ZBTB8A: variants seen among roughly 807,000 people sequenced by gnomAD.
The protein encoded by ZBTB8A is zinc finger and BTB domain-containing protein 8A.
ZBTB8A carries 19 observed loss-of-function variants against 37.8 expected under a neutral mutation model. The ratio of observed to expected loss-of-function variants is 0.50; its 90% CI spans 0.35 to 0.74. The LOEUF (loss-of-function observed/expected upper bound fraction) is 0.74, where lower values mean the gene tolerates loss of function less well. Among genes scored for constraint, ZBTB8A ranks in the 30% least tolerant of loss-of-function variants. The probability of loss-of-function intolerance (pLI) is 0.01; values close to 1 mark genes in which losing one functional copy is unlikely to be tolerated. For missense variants in ZBTB8A, 394 were observed against 537.8 expected (o/e 0.73, Z 2.65); for synonymous variants, 181 against 185.2 (o/e 0.98, Z 0.19).
At chr1:32,541,350 G>C (rs970191397) in intron 1 of ZBTB8A, among the ~76,000 whole-genome samples, 15 of 151,992 alleles carry the variant, frequency 9.9e-5, no homozygotes, top group Admixed American at 5.2e-4. Flanking sequence ...ATGCCTCCTT[G>C]CCTGCTCACC....
intron 2 of ZBTB8A, among the ~76,000 whole-genome samples, chr1:32,557,066 C>A (rs1243742250): frequency 6.6e-6 from 1 of 152,102 alleles, no homozygotes; most frequent in Non-Finnish European, 1.5e-5. Flanking sequence ...CTTTGGGAGT[C>A]CAAGGCAGGT....
At chr1:32,565,457 C>G (rs958189830) in intron 2 of ZBTB8A, among the ~76,000 whole-genome samples, 3 of 152,008 alleles carry the variant, frequency 2.0e-5, no homozygotes, top group African/African-American at 7.2e-5. Context: ...AGTTAAAGAT[C>G]AACCTGAGCA....
chr1:32,578,078 G>T (rs956433002), intron 2 of ZBTB8A, among the ~76,000 whole-genome samples: 5 of 148,190 alleles, frequency 3.4e-5, no homozygotes, highest in Admixed American at 1.3e-4. Flanking sequence ...TAATTTTTTT[G>T]TTTGTTTGTT....
At chr1:32,584,516 T>C (rs571010496) in intron 2 of ZBTB8A, among the ~76,000 whole-genome samples, 9,013 of 144,414 alleles carry the variant, frequency 0.062, 222 homozygotes, top group African/African-American at 0.079. Context: ...TTCTTTTTTT[T>C]TTTTTTTTTT....
intron 2 of ZBTB8A, among the ~76,000 whole-genome samples, chr1:32,567,327 T>A (rs1644287543): frequency 6.6e-6 from 1 of 150,752 alleles, no homozygotes; most frequent in African/African-American, 2.4e-5. Flanking sequence ...CCAGGTCCTC[T>A]CTCTAACACT....
intron 2 of ZBTB8A, among the ~76,000 whole-genome samples, chr1:32,587,779 C>G (rs1447340431): frequency 1.3e-5 from 2 of 151,910 alleles, no homozygotes; most frequent in Non-Finnish European, 2.9e-5. Flanking sequence ...CTGGCAGCCT[C>G]TAGGTAGCTT....
intron 2 of ZBTB8A, among the ~76,000 whole-genome samples, chr1:32,576,866 C>T (rs573920105): frequency 7.3e-6 from 1 of 136,308 alleles, no homozygotes; most frequent in Admixed American, 7.4e-5. Context: ...TGCACAGACT[C>T]TTTTTTTTTT....
rs1644576682 is a variant in ZBTB8A at position 32,601,597 on chromosome 1, T to G, written c.*1178T>G. 1 of 398,462 alleles carries G rather than the reference T, an allele frequency of 2.5e-6. No individual in the cohort carries two copies. Among genetic ancestry groups the G allele is most frequent in the South Asian group, 1.3e-4 (1 of 7,866 alleles). 24.7% of individuals were successfully genotyped at this position (398,462 alleles called of 1,614,324 possible). On this transcript the variant is annotated 3_prime_UTR_variant, in exon 5 of 5. Coordinates refer to ENST00000373510, the MANE Select transcript of ZBTB8A (RefSeq NM_001040441.3). ...TATTTTCTCAGTGAGGTGGATACTA[T>G]CTCCGATTTACAAATGAGGAAATTA...
chr1:32,552,143 C>T (rs540385144), intron 1 of ZBTB8A, among the ~76,000 whole-genome samples: 5 of 152,038 alleles, frequency 3.3e-5, no homozygotes, highest in African/African-American at 1.2e-4. Flanking sequence ...GTGGGGGGAT[C>T]GCTTGAGCCC....
chr1:32,590,509 G>T (rs1232564095), intron 2 of ZBTB8A, among the ~76,000 whole-genome samples: 1 of 152,192 alleles, frequency 6.6e-6, no homozygotes, highest in Non-Finnish European at 1.5e-5. Flanking sequence ...TAAGGACCTA[G>T]TCCCTTAGCC....
intron 2 of ZBTB8A, among the ~76,000 whole-genome samples, 156 bp from the exon 3 acceptor site, chr1:32,592,775 T>A (rs919683661): frequency 1.3e-5 from 2 of 151,974 alleles, no homozygotes; most frequent in Admixed American, 6.6e-5. Context: ...CCCAAAGTGC[T>A]GGGATTACAG....
intron 4 of ZBTB8A, among the ~76,000 whole-genome samples, chr1:32,599,090 G>A (rs959197861): frequency 6.6e-6 from 1 of 151,924 alleles, no homozygotes; most frequent in Non-Finnish European, 1.5e-5. Context: ...AAAATGGCAA[G>A]TTCTCCTTCT....
intron 2 of ZBTB8A, among the ~76,000 whole-genome samples, chr1:32,554,198 CAAA>C (rs1017025736): frequency 4.0e-5 from 2 of 50,180 alleles, no homozygotes; most frequent in African/African-American, 7.1e-5. Context: ...AGACTGTCTC[CAAA>C]AAAAAAAAAA....
At chr1:32,586,700 C>T (rs1337601463) in intron 2 of ZBTB8A, among the ~76,000 whole-genome samples, 1 of 151,968 alleles carries the variant, frequency 6.6e-6, no homozygotes, top group Non-Finnish European at 1.5e-5. Flanking sequence ...TGTTCAGAAA[C>T]AAGCAGAGGT....
chr1:32,540,308 T>C (rs1403394461), intron 1 of ZBTB8A, among the ~76,000 whole-genome samples: 1 of 152,154 alleles, frequency 6.6e-6, no homozygotes, highest in African/African-American at 2.4e-5. Context: ...CACATCATTC[T>C]AAGACGCGTT....
chr1:32,553,868 A>T (rs190670454), intron 2 of ZBTB8A, among the ~76,000 whole-genome samples: 1 of 140,514 alleles, frequency 7.1e-6, no homozygotes, highest in African/African-American at 2.7e-5. Context: ...CCTGGGCAAC[A>T]AGAGCGAAAC....
Position 32,551,214 on chromosome 1 carries a change from C to G in ZBTB8A, c.-83-2245C>G, listed in dbSNP as rs369302076. On this transcript the variant is annotated intron_variant, in intron 1 of 4. Coordinates refer to ENST00000373510, the MANE Select transcript of ZBTB8A (RefSeq NM_001040441.3). ...TTATTCCAACAAGGTGGGAGGATCA[C>G]TTGAGCCTAGGATTTCAAGACCAGC... Among the ~76,000 whole-genome samples the G allele has an allele frequency of 3.2e-4, 48 of 152,182 alleles. 1 individual carries two copies. Among genetic ancestry groups the G allele is most frequent in the Middle Eastern group, 3.4e-3 (1 of 294 alleles).
At chr1:32,544,252 A>T (rs911024748) in intron 1 of ZBTB8A, among the ~76,000 whole-genome samples, 2 of 152,252 alleles carry the variant, frequency 1.3e-5, no homozygotes, top group Admixed American at 6.5e-5. Context: ...TGTGAACATC[A>T]TAGAATGTAC....
intron 2 of ZBTB8A, among the ~76,000 whole-genome samples, chr1:32,575,273 C>T (rs1421980342): frequency 7.5e-6 from 1 of 133,744 alleles, no homozygotes; most frequent in East Asian, 2.2e-4. Context: ...TTCCCCGAGG[C>T]TGGAGTGCAG....
Sources: gnomAD v4.1 joint callset for allele counts (sites outside exome capture counted in the v4.1 genomes callset) on GRCh38, gnomAD v4.1.1 for gene constraint, MANE v1.5 for transcripts, NCBI Gene and HGNC (gene_info 2026-07-23, HGNC 2026-07-21) for gene names.